Variants in RFX3 observed in about 807,000 individuals in gnomAD.
The protein encoded by RFX3 is transcription factor RFX3.
RFX3 carries 14 observed loss-of-function variants against 98.6 expected under a neutral mutation model. The observed-to-expected ratio is 0.14, with a 90% CI of 0.09 to 0.22. RFX3 has a LOEUF of 0.22. RFX3 is among the 10% of genes least tolerant of loss of function. The probability of loss-of-function intolerance (pLI) is 1.00; values close to 1 mark genes in which losing one functional copy is unlikely to be tolerated. For synonymous variants in RFX3, 383 were observed against 328.4 expected (o/e 1.17, Z -1.80); for missense variants, 639 against 926.9 (o/e 0.69, Z 4.03).
chr9:3,310,336 C>A (rs1224179253), intron 4 of RFX3, among the ~76,000 whole-genome samples: 1 of 152,036 alleles, frequency 6.6e-6, no homozygotes, highest in East Asian at 1.9e-4. Context: ...TAAATATTAA[C>A]CTGTCATTCC....
intron 1 of RFX3, among the ~76,000 whole-genome samples, chr9:3,411,743 G>A (rs547317525): frequency 4.0e-5 from 6 of 151,320 alleles, no homozygotes; most frequent in Admixed American, 1.3e-4. Context: ...CTCCTGCCTC[G>A]GCCTCCCAAA....
chr9:3,368,411 G>C (rs1587354410), intron 2 of RFX3, among the ~76,000 whole-genome samples: 2 of 151,986 alleles, frequency 1.3e-5, no homozygotes, highest in African/African-American at 4.8e-5. Flanking sequence ...ATAAGGTAAA[G>C]CAATAAAAAA....
Position 3,387,749 on chromosome 9 carries a change from G to C in RFX3, c.117+7723C>G, listed in dbSNP as rs570983373. On this transcript the variant is annotated intron_variant, in intron 2 of 16. Transcript: ENST00000617270. ...TCCCCCCTCAGGGAACCAAGCCAATGGGAATCAAGTCCCAAGTAAGAGCAA... is the reference window on the plus strand; with the variant it reads ...TCCCCCCTCAGGGAACCAAGCCAATCGGAATCAAGTCCCAAGTAAGAGCAA... 5.9e-5 allele frequency among the ~76,000 whole-genome samples: 9 copies of C among 151,970 alleles called. No homozygotes were observed. The South Asian group carries it at 1.9e-3, about 32-fold the overall frequency.
intron 1 of RFX3, among the ~76,000 whole-genome samples, chr9:3,486,304 C>A (rs1393133173): frequency 6.6e-6 from 1 of 152,028 alleles, no homozygotes; most frequent in African/African-American, 2.4e-5. Flanking sequence ...ATAAAAATCA[C>A]CCTTTCTAAA....
At chr9:3,461,830 T>G (rs1243828281) in intron 1 of RFX3, among the ~76,000 whole-genome samples, 1 of 152,026 alleles carries the variant, frequency 6.6e-6, no homozygotes, top group Non-Finnish European at 1.5e-5. Context: ...CAAAGGCCTA[T>G]ATAAGCATAC....
At chr9:3,265,099 C>T (rs1026904094) in intron 12 of RFX3, among the ~76,000 whole-genome samples, 1 of 149,040 alleles carries the variant, frequency 6.7e-6, no homozygotes, top group Non-Finnish European at 1.5e-5. Context: ...AAAGAGAACT[C>T]TCTGCCATGA....
At chr9:3,373,057 G>A (rs998972906) in intron 2 of RFX3, among the ~76,000 whole-genome samples, 5 of 151,980 alleles carry the variant, frequency 3.3e-5, no homozygotes, top group East Asian at 1.9e-4. Context: ...CCAACTATTC[G>A]TTGCCATATC....
At chr9:3,271,531 TTCTCTCTTTCTCTTTCTC>T (rs1292573043) in intron 9 of RFX3, among the ~76,000 whole-genome samples, 3 of 10,214 alleles carry the variant, frequency 2.9e-4, no homozygotes, top group Non-Finnish European at 2.1e-3. Context: ...CCTTCTTTCT[TTCTCTCTTTCTCTTTCTC>T]TCTTTCTCTC....
At position 3,309,386 on chromosome 9, in the gene RFX3, G is replaced by A. The variant is rs376387028; in HGVS notation, c.475-7766C>T. Reference sequence around the variant, plus strand: ...GAGACAGAGACAGTGCAATAAATCCGTGGCCTAAAACTCAGGCTGAAAACT... The same window carrying A: ...GAGACAGAGACAGTGCAATAAATCCATGGCCTAAAACTCAGGCTGAAAACT... On this transcript the variant is annotated intron_variant, in intron 4 of 16. Transcript: ENST00000617270. Among the ~76,000 whole-genome samples the A allele has an allele frequency of 3.8e-4, 58 of 152,194 alleles. 2 individuals carry two copies. Among genetic ancestry groups the A allele is most frequent in the African/African-American group, 1.3e-3 (54 of 41,524 alleles).
intron 4 of RFX3, among the ~76,000 whole-genome samples, chr9:3,324,666 C>T (rs1181430192): frequency 6.6e-6 from 1 of 151,186 alleles, no homozygotes; most frequent in African/African-American, 2.4e-5. Context: ...TAGAATAATA[C>T]TTAAAAAACT....
At chr9:3,493,632 C>T (rs995296679) in intron 1 of RFX3, among the ~76,000 whole-genome samples, 61 of 140,010 alleles carry the variant, frequency 4.4e-4, no homozygotes, top group African/African-American at 1.6e-3. Context: ...TGCAGTGAGC[C>T]AAGATGGCGC....
At chr9:3,277,315 T>A in intron 8 of RFX3, 25 bp downstream of exon 8, 1 of 1,609,448 alleles carries the variant, frequency 6.2e-7, no homozygotes, top group South Asian at 1.1e-5. Context: ...TAGTAGCAAC[T>A]AATATGCATT....
chr9:3,504,757 A>T (rs1266197735), intron 1 of RFX3, among the ~76,000 whole-genome samples: 1 of 78,964 alleles, frequency 1.3e-5, no homozygotes, highest in Non-Finnish European at 1.9e-5. Flanking sequence ...TGTATATAAA[A>T]TATATGCTAT....
chr9:3,302,447 T>C (rs1828777876), intron 4 of RFX3, among the ~76,000 whole-genome samples: 1 of 151,838 alleles, frequency 6.6e-6, no homozygotes, highest in African/African-American at 2.4e-5. Context: ...CAACTCCTGG[T>C]AGTATTGCAT....
At position 3,340,239 on chromosome 9, in the gene RFX3, T is replaced by C. The variant is rs1295576633; in HGVS notation, c.215+6428A>G. On this transcript the variant is annotated intron_variant, in intron 3 of 16. Coordinates refer to ENST00000617270, the MANE Select transcript of RFX3 (RefSeq NM_001282116.2). ...AACTGGATCCCTTCCTTACACCTTATGCAAAAATTAATTCAAGATGGATTA... is the reference window on the plus strand; with the variant it reads ...AACTGGATCCCTTCCTTACACCTTACGCAAAAATTAATTCAAGATGGATTA... Among the ~76,000 whole-genome samples the C allele has an allele frequency of 3.3e-5, 5 of 152,272 alleles. No individual in the cohort carries two copies. The East Asian group carries it at 7.7e-4, about 23-fold the overall frequency.
chr9:3,276,059 C>G (rs950329188), intron 8 of RFX3, among the ~76,000 whole-genome samples: 1 of 152,144 alleles, frequency 6.6e-6, no homozygotes, highest in East Asian at 1.9e-4. Context: ...ACAAAGAAAA[C>G]TACAAAAATA....
At chr9:3,307,840 G>T (rs1829510282) in intron 4 of RFX3, among the ~76,000 whole-genome samples, 1 of 152,188 alleles carries the variant, frequency 6.6e-6, no homozygotes, top group Non-Finnish European at 1.5e-5. Flanking sequence ...CTAATGCAAA[G>T]CCTCAGTGAT....
At chr9:3,253,413 C>T (rs891528121) in intron 14 of RFX3, among the ~76,000 whole-genome samples, 2 of 152,236 alleles carry the variant, frequency 1.3e-5, no homozygotes, top group African/African-American at 2.4e-5. Context: ...CAAAGCTATA[C>T]ATTCCACTCT....
intron 1 of RFX3, among the ~76,000 whole-genome samples, chr9:3,426,085 T>A (rs139634195): frequency 6.6e-6 from 1 of 152,216 alleles, no homozygotes; most frequent in South Asian, 2.1e-4. Context: ...GATTTACTTA[T>A]ATTTTATTTA....
Sources: gnomAD v4.1 joint callset for allele counts (sites outside exome capture counted in the v4.1 genomes callset) on GRCh38, gnomAD v4.1.1 for gene constraint, MANE v1.5 for transcripts, NCBI Gene and HGNC (gene_info 2026-07-23, HGNC 2026-07-21) for gene names.